The following SLC18B1 variants were observed in gnomAD, a reference collection of about 807,000 sequenced individuals.
The protein encoded by SLC18B1 is MFS-type transporter SLC18B1.
A neutral mutation model predicts 53.9 loss-of-function variants in SLC18B1; 62 were observed. The ratio of observed to expected loss-of-function variants is 1.15; its 90% confidence interval spans 0.94 to 1.42. The LOEUF is 1.42. Among genes scored for constraint, SLC18B1 ranks in the 40% most tolerant of loss-of-function variants. The pLI, the probability that SLC18B1 is intolerant of heterozygous loss-of-function variation, is 0.00. For synonymous variants in SLC18B1, 217 were observed against 200.9 expected (o/e 1.08, Z -0.68); for missense variants, 598 against 547.3 (o/e 1.09, Z -0.93).
intron 10 of SLC18B1, among the ~76,000 whole-genome samples, chr6:132,772,620 C>A (rs1350555798): frequency 6.6e-6 from 1 of 152,104 alleles, no homozygotes; most frequent in Admixed American, 6.6e-5. Flanking sequence ...ATCATCATGC[C>A]TATTAAACAA....
At chr6:132,785,395 A>G (rs9389033) in intron 5 of SLC18B1, among the ~76,000 whole-genome samples, 7,748 of 152,322 alleles carry the variant, frequency 0.051, 261 homozygotes, top group Middle Eastern at 0.068. Context: ...AAAAGGGTTT[A>G]CCACTATAGA....
At position 132,798,560 on chromosome 6, in the gene SLC18B1, G is replaced by A. The variant is rs1455036202; in HGVS notation, c.-104C>T. 1 of 1,210,522 alleles carries A rather than the reference G, an allele frequency of 8.3e-7. No individual in the cohort carries two copies. Among genetic ancestry groups the A allele is most frequent in the Non-Finnish European group, 1.1e-6 (1 of 925,440 alleles). 75.0% of individuals were successfully genotyped at this position (1,210,522 alleles called of 1,614,324 possible). On this transcript the variant is annotated 5_prime_UTR_variant, in exon 1 of 14. Transcript: ENST00000275227. ...CACTCTGGCGGGCGGCCGCTGCTCA[G>A]CTGGAACCTGGCATCCCCGACTCCC...
At chr6:132,792,231 G>GA (rs1781543422) in intron 2 of SLC18B1, among the ~76,000 whole-genome samples, 1 of 1,736 alleles carries the variant, frequency 5.8e-4, no homozygotes, top group Non-Finnish European at 1.2e-3. Context: ...CTGTCAGAAA[G>GA]AAAGAAAGAA....
chr6:132,772,900 T>A, intron 10 of SLC18B1, 93 bp downstream of exon 10: 1 of 856,160 alleles, frequency 1.2e-6, no homozygotes, highest in Non-Finnish European at 1.9e-6. Flanking sequence ...GGCAAAAATA[T>A]CCAACATGCT....
intron 8 of SLC18B1, among the ~76,000 whole-genome samples, chr6:132,775,088 G>A (rs1001395337): frequency 6.6e-6 from 1 of 152,192 alleles, no homozygotes; most frequent in African/African-American, 2.4e-5. Context: ...TTTGGGAGGT[G>A]ATTAGTTAAT....
chr6:132,776,348 G>A lies in SLC18B1; in HGVS notation c.877C>T (p.Leu293Phe). 6.2e-7 allele frequency: 1 copy of A among 1,613,324 alleles called. No homozygotes were observed. Among genetic ancestry groups the A allele is most frequent in the Non-Finnish European group, 8.5e-7 (1 of 1,179,568 alleles). ...SYAISSPLFG[L>F]LSDKRPPLRK... ...CGTACTGGCCTTTTATCACTTAGGA[G>A]ACCAAATAGTGGTGAAGAGATGGCA... The change falls in exon 8 of 14, where the codon CTC becomes TTC. Residue 293 changes from leucine to phenylalanine, a missense_variant. Transcript: ENST00000275227.
chr6:132,770,157 G>C lies in SLC18B1; in HGVS notation c.*113C>G. ...AACACGTTGACACTTCCAAGACACT[G>C]GCACGGGGTCCACGGAGTTTTGCGC... On this transcript the variant is annotated 3_prime_UTR_variant, in exon 14 of 14. Transcript: ENST00000275227. 1 of 825,702 alleles carries C rather than the reference G, an allele frequency of 1.2e-6. No homozygotes were observed. The highest frequency in any genetic ancestry group is 2.5e-5 in the East Asian group (1 of 39,986). The allele number at this position is 825,702 out of a possible 1,614,324, so 51.1% of individuals were successfully genotyped here. A position where few individuals can be genotyped will look rare whatever the true frequency, so the allele number is the denominator to read the frequency against.
intron 7 of SLC18B1, among the ~76,000 whole-genome samples, chr6:132,779,000 C>T (rs1025823098): frequency 6.6e-6 from 1 of 152,156 alleles, no homozygotes; most frequent in Non-Finnish European, 1.5e-5. Flanking sequence ...GGATGATGCC[C>T]AAGCTAAACC....
chr6:132,796,769 T>A (rs1781700499), intron 2 of SLC18B1, among the ~76,000 whole-genome samples: 1 of 152,174 alleles, frequency 6.6e-6, no homozygotes, highest in Non-Finnish European at 1.5e-5. Flanking sequence ...TTTAGGTGAA[T>A]TACCTCCCAA....
chr6:132,776,220 G>A, intron 8 of SLC18B1, 108 bp downstream of exon 8: 1 of 822,930 alleles, frequency 1.2e-6, no homozygotes, highest in Non-Finnish European at 2.0e-6. Context: ...CAGTCCAATT[G>A]AATATATCAA....
chr6:132,784,860 G>C (rs553617560), intron 5 of SLC18B1, among the ~76,000 whole-genome samples: 5 of 152,138 alleles, frequency 3.3e-5, no homozygotes, highest in Admixed American at 6.6e-5. Context: ...TATCCACGCA[G>C]TGAAATACTA....
In SLC18B1 at chr6:132,771,082, C is replaced by T. The variant is rs200678581; in HGVS notation, c.1208G>A (p.Gly403Asp). The T allele has an allele frequency of 2.0e-4, 325 of 1,614,094 alleles. No homozygotes were observed. Among genetic ancestry groups the T allele is most frequent in the Non-Finnish European group, 1.9e-4 (223 of 1,180,000 alleles). ...TLGGFLYEKI[G>D]FEWAAAIQGL... The stretch of plus-strand genomic sequence containing the variant: ...TTGTATAGCTGCTGCCCATTCAAAA[C>T]CAATTTTCTCATACAGAAATCCACC... The change falls in exon 12 of 14, where the codon GGT becomes GAT. Residue 403 changes from glycine to aspartate, a missense_variant. Coordinates refer to ENST00000275227, the MANE Select transcript of SLC18B1 (RefSeq NM_052831.3).
intron 2 of SLC18B1, among the ~76,000 whole-genome samples, chr6:132,793,439 C>T (rs1030145902): frequency 2.0e-5 from 3 of 152,178 alleles, no homozygotes; most frequent in South Asian, 2.1e-4. Context: ...CTTCCCTCTG[C>T]GAGGCGAGAC....
intron 6 of SLC18B1, among the ~76,000 whole-genome samples, chr6:132,780,953 T>C (rs1046644653): frequency 6.6e-6 from 1 of 152,084 alleles, no homozygotes; most frequent in Admixed American, 6.6e-5. Context: ...CAGGATGTAG[T>C]TGGACTTAGA....
At chr6:132,798,383 C>T (rs1781754024) in intron 1 of SLC18B1, 31 bp downstream of exon 1, 1 of 1,513,044 alleles carries the variant, frequency 6.6e-7, no homozygotes, top group Non-Finnish European at 8.9e-7. Context: ...CCGCTGGTCT[C>T]CGGGCTCCCG....
intron 4 of SLC18B1, among the ~76,000 whole-genome samples, chr6:132,788,828 G>GAAAAAAAAAAA (rs1158922120): frequency 2.8e-5 from 2 of 70,270 alleles, no homozygotes. Flanking sequence ...ATCTCAAAAA[G>GAAAAAAAAAAA]AAAAAAAAAA....
chr6:132,798,274 C>G, intron 1 of SLC18B1, 140 bp downstream of exon 1: 1 of 896,896 alleles, frequency 1.1e-6, no homozygotes, highest in South Asian at 3.5e-5. Flanking sequence ...GAAACGCTGG[C>G]CCGAACCCCA....
At chr6:132,778,352 A>AT (rs1781148359) in intron 7 of SLC18B1, among the ~76,000 whole-genome samples, 1 of 152,110 alleles carries the variant, frequency 6.6e-6, no homozygotes, top group Non-Finnish European at 1.5e-5. Context: ...CAATATTATA[A>AT]TACTCTCTAA....
chr6:132,784,283 G>C (rs1562267075), intron 5 of SLC18B1, among the ~76,000 whole-genome samples, 194 bp from the exon 6 acceptor site: 1 of 151,988 alleles, frequency 6.6e-6, no homozygotes, highest in Non-Finnish European at 1.5e-5. Context: ...TAAAAAAATT[G>C]TTATTGTAAG....
Sources: gnomAD v4.1 joint callset for allele counts (sites outside exome capture counted in the v4.1 genomes callset) on GRCh38, gnomAD v4.1.1 for gene constraint, MANE v1.5 for transcripts, NCBI Gene and HGNC (gene_info 2026-07-23, HGNC 2026-07-21) for gene names.